Variants in RANBP3 observed in about 807,000 individuals in gnomAD.
RANBP3 encodes ran-binding protein 3.
In RANBP3, 14 loss-of-function variants were observed where a neutral mutation model predicts 77.3. That is an observed-to-expected ratio of 0.18 (90% CI 0.12 to 0.28). RANBP3 has a LOEUF of 0.28. RANBP3 is among the 10% of genes least tolerant of loss of function. The probability of loss-of-function intolerance (pLI) is 1.00; values close to 1 mark genes in which losing one functional copy is unlikely to be tolerated. For synonymous variants in RANBP3, 315 were observed against 312.4 expected, an observed-to-expected ratio of 1.01 and a Z score of -0.09; for missense variants, 586 against 752.3, an observed-to-expected ratio of 0.78 and a Z score of 2.59.
chr19:5,926,601 T>C (rs1304418999), intron 9 of RANBP3, among the ~76,000 whole-genome samples: 1 of 152,086 alleles, frequency 6.6e-6, no homozygotes, highest in Non-Finnish European at 1.5e-5. Flanking sequence ...AAGGAGAGGC[T>C]GGGATTTGAC....
In RANBP3 at chr19:5,958,610, C is replaced by A. The variant is rs1238179052; in HGVS notation, c.23-637G>T. Reference sequence around the variant, plus strand: ...GGCGGCCTGTAATGCCCACGCAACACCATCTGTCTCCTACCCAGGGGCAGC... The same window carrying A: ...GGCGGCCTGTAATGCCCACGCAACAACATCTGTCTCCTACCCAGGGGCAGC... On this transcript the variant is annotated intron_variant, in intron 1 of 16. Transcript: ENST00000340578. This position sits in a 1 kb window ranked among gnomAD's most constrained non-coding sequence, Gnocchi z 4.4. 2.0e-5 allele frequency among the ~76,000 whole-genome samples: 3 copies of A among 152,260 alleles called. No homozygotes were observed. The highest frequency in any genetic ancestry group is 3.2e-3 in the Middle Eastern group (1 of 316).
chr19:5,941,136 G>A (rs2058130643), intron 5 of RANBP3, among the ~76,000 whole-genome samples: 1 of 152,198 alleles, frequency 6.6e-6, no homozygotes, highest in Non-Finnish European at 1.5e-5. Context: ...CTCTGCTGGG[G>A]CCTCCTGGCT....
intron 7 of RANBP3, 73 bp from the exon 8 acceptor site, chr19:5,931,604 G>A: frequency 2.0e-6 from 3 of 1,523,148 alleles, no homozygotes; most frequent in African/African-American, 1.4e-5. Flanking sequence ...ATAGCTGAGG[G>A]GCTGGGCCAC....
intron 14 of RANBP3, among the ~76,000 whole-genome samples, chr19:5,919,693 G>A (rs2145009898): frequency 6.6e-6 from 1 of 152,334 alleles, no homozygotes; most frequent in Non-Finnish European, 1.5e-5. Context: ...GAGGTCAGGA[G>A]TTCGAGACAA....
At chr19:5,962,856 GAC>G (rs1019126039) in intron 1 of RANBP3, 4 of 426,994 alleles carry the variant, frequency 9.4e-6, no homozygotes, top group African/African-American at 8.1e-5. Flanking sequence ...CCGACCACCA[GAC>G]ACACGGGTTG....
intron 9 of RANBP3, 98 bp from the exon 10 acceptor site, chr19:5,925,835 T>G: frequency 1.0e-6 from 1 of 968,814 alleles, no homozygotes; most frequent in African/African-American, 1.6e-5. Flanking sequence ...ATGGAGCTGC[T>G]CGGAGCCATG....
chr19:5,975,195 T>G (rs1338629933), intron 1 of RANBP3, among the ~76,000 whole-genome samples: 1 of 152,206 alleles, frequency 6.6e-6, no homozygotes, highest in Non-Finnish European at 1.5e-5. Flanking sequence ...AATGACTGAT[T>G]GAAGGACGGC....
At chr19:5,953,768 G>C (rs8102935) in intron 2 of RANBP3, among the ~76,000 whole-genome samples, 1 of 152,180 alleles carries the variant, frequency 6.6e-6, no homozygotes, top group Non-Finnish European at 1.5e-5. Flanking sequence ...AAACGCAGGC[G>C]TTTCGATGAG....
intron 1 of RANBP3, among the ~76,000 whole-genome samples, chr19:5,975,202 C>T (rs1282752795): frequency 1.3e-5 from 2 of 152,158 alleles, no homozygotes; most frequent in East Asian, 1.9e-4. Flanking sequence ...GATTGAAGGA[C>T]GGCAGGGATA....
rs1161820034 is a variant in RANBP3, at chr19:5,918,497, G to A, written c.1472C>T (p.Ser491Leu). Reference sequence around the variant, plus strand: ...GATGCACCCGCGTGGCTGGCTCACCGAGATCAGGAAGACCTTCACGCCCTG... The same window carrying A: ...GATGCACCCGCGTGGCTGGCTCACCAAGATCAGGAAGACCTTCACGCCCTG... Reference protein sequence around the residue: ...EDQGVKVFLISASSKDTGQLY... With the variant: ...EDQGVKVFLILASSKDTGQLY... Residue 491 changes from serine (S) to leucine (L), a missense_variant and splice_region_variant, in exon 15 of 17, where the codon TCG (serine) becomes TTG (leucine). Physicochemically the swap from Ser to Leu is moderately radical, Grantham distance 145. This residue lies in a region of RANBP3 where 128 missense variants were observed against 157.0 expected (regional missense o/e 0.82). Coordinates refer to ENST00000340578, the MANE Select transcript of RANBP3 (RefSeq NM_007322.3). 1.1e-5 allele frequency: 18 copies of A among 1,606,790 alleles called. No homozygotes were observed. Among genetic ancestry groups the A allele is most frequent in the Admixed American group, 6.7e-5 (4 of 59,628 alleles).
intron 5 of RANBP3, 41 bp downstream of exon 5, chr19:5,941,580 G>A (rs1241052402): frequency 6.5e-7 from 1 of 1,531,210 alleles, no homozygotes; most frequent in South Asian, 1.1e-5. Flanking sequence ...GGGTTTGTAA[G>A]CATAAACGCT....
At chr19:5,955,355 C>T (rs1188300783) in intron 2 of RANBP3, among the ~76,000 whole-genome samples, 1 of 152,156 alleles carries the variant, frequency 6.6e-6, no homozygotes, top group Non-Finnish European at 1.5e-5. Context: ...CTGCCCACCT[C>T]GGCCTCCCAA....
intron 1 of RANBP3, among the ~76,000 whole-genome samples, chr19:5,970,126 G>A (rs1389303567): frequency 1.3e-5 from 2 of 152,114 alleles, no homozygotes; most frequent in African/African-American, 4.8e-5. Flanking sequence ...CAGGGATGCT[G>A]ACCAACATCC....
chr19:5,951,434 G>C lies in RANBP3; in HGVS notation c.241C>G (p.Pro81Ala). 2 of 1,589,338 alleles carry C rather than the reference G, an allele frequency of 1.3e-6. No individual in the cohort carries two copies. The highest frequency in any genetic ancestry group is 1.7e-6 in the Non-Finnish European group (2 of 1,166,814). Residue 81 changes from proline to alanine, a missense_variant, in exon 3 of 17, where the codon CCT becomes GCT. Coordinates refer to ENST00000340578, the MANE Select transcript of RANBP3 (RefSeq NM_007322.3). ...ASASTPPPPAPEAQLPPFPRE... is the reference protein window; with the variant it reads ...ASASTPPPPAAEAQLPPFPRE... ...GGAAAAGGAGGAAGCTGGGCTTCAGGAGCGGGAGGCGGAGGAGTGCTGGCT... is the reference window on the plus strand; with the variant it reads ...GGAAAAGGAGGAAGCTGGGCTTCAGCAGCGGGAGGCGGAGGAGTGCTGGCT...
At chr19:5,919,070 A>C (rs944080023) in intron 14 of RANBP3, among the ~76,000 whole-genome samples, 1 of 152,192 alleles carries the variant, frequency 6.6e-6, no homozygotes, top group Non-Finnish European at 1.5e-5. Context: ...TGTGTGAGAC[A>C]TCGGCCTCCA....
chr19:5,933,330 G>T, intron 6 of RANBP3, 84 bp downstream of exon 6: 5 of 1,103,742 alleles, frequency 4.5e-6, no homozygotes, highest in South Asian at 1.6e-5. Context: ...AGCAGGCTGA[G>T]CCCGCGGTGC....
chr19:5,941,909 A>C, intron 3 of RANBP3, 74 bp from the exon 4 acceptor site: 1 of 1,556,272 alleles, frequency 6.4e-7, no homozygotes, highest in South Asian at 1.1e-5. Context: ...CGGGGCCGTA[A>C]CAAATATCCC....
intron 9 of RANBP3, 29 bp from the exon 10 acceptor site, chr19:5,925,766 C>G (rs772530527): frequency 3.2e-6 from 5 of 1,546,276 alleles, no homozygotes; most frequent in Non-Finnish European, 4.5e-6. Flanking sequence ...GCTCAGTAAT[C>G]GGGGGTGGGG....
chr19:5,943,081 C>G (rs1395111144), intron 3 of RANBP3, among the ~76,000 whole-genome samples: 2 of 152,208 alleles, frequency 1.3e-5, no homozygotes, highest in Non-Finnish European at 2.9e-5. Context: ...CCAACACAAT[C>G]CCTCATTTAT....
Sources: gnomAD v4.1 joint callset for allele counts (sites outside exome capture counted in the v4.1 genomes callset) on GRCh38, gnomAD v4.1.1 for gene constraint, gnomAD v4.1.1 regional missense constraint, Gnocchi (gnomAD v3.1) non-coding constraint, MANE v1.5 for transcripts, NCBI Gene and HGNC (gene_info 2026-07-23, HGNC 2026-07-21) for gene names.